RBMS3: variants seen among roughly 807,000 people sequenced by gnomAD.
The protein encoded by RBMS3 is RNA binding motif single stranded interacting protein 3.
RBMS3 carries 27 observed loss-of-function variants against 66.8 expected under a neutral mutation model. That is an observed-to-expected ratio of 0.40 (90% CI 0.30 to 0.56). The LOEUF (loss-of-function observed/expected upper bound fraction) is 0.56, where lower values mean the gene tolerates loss of function less well. Ranked by LOEUF, RBMS3 falls within the 20% of genes least tolerant of loss-of-function variation. RBMS3 has a pLI of 0.40. For synonymous variants in RBMS3, 188 were observed against 183.0 expected (o/e 1.03, Z -0.22); for missense variants, 513 against 549.5 (o/e 0.93, Z 0.66).
chr3:29,769,244 C>T (rs1171221481), intron 6 of RBMS3, among the ~76,000 whole-genome samples: 1 of 151,608 alleles, frequency 6.6e-6, no homozygotes, highest in Non-Finnish European at 1.5e-5. Flanking sequence ...AACTTGAGAA[C>T]AACTGAGGAC....
chr3:29,968,314 G>A (rs956345339), intron 12 of RBMS3, among the ~76,000 whole-genome samples: 15 of 152,176 alleles, frequency 9.9e-5, no homozygotes, highest in African/African-American at 3.6e-4. Context: ...CCCTGCCTGT[G>A]AAGTCCGCTA....
intron 6 of RBMS3, among the ~76,000 whole-genome samples, chr3:29,799,969 A>T (rs73831061): frequency 0.068 from 10,312 of 152,258 alleles, 365 homozygotes; most frequent in South Asian, 0.099. Flanking sequence ...GGACAACTTC[A>T]TCAAGATTTA....
intron 1 of RBMS3, among the ~76,000 whole-genome samples, chr3:29,323,360 A>G (rs1046571552): frequency 6.6e-6 from 1 of 152,168 alleles, no homozygotes; most frequent in Non-Finnish European, 1.5e-5. Context: ...TACAACCACC[A>G]TAGTAAAGAA....
intron 1 of RBMS3, among the ~76,000 whole-genome samples, chr3:29,305,103 G>C: frequency 6.6e-6 from 1 of 151,874 alleles, no homozygotes; most frequent in African/African-American, 2.4e-5. Flanking sequence ...CAGGACCTTG[G>C]CAAGAGCTCT....
intron 2 of RBMS3, among the ~76,000 whole-genome samples, chr3:29,446,521 A>C (rs1442677424): frequency 6.6e-6 from 1 of 152,160 alleles, no homozygotes; most frequent in Non-Finnish European, 1.5e-5. Context: ...TATATTTTAC[A>C]ATATGAATAT....
intron 1 of RBMS3, among the ~76,000 whole-genome samples, chr3:29,286,960 G>A (rs1393755029): frequency 6.6e-6 from 1 of 152,058 alleles, no homozygotes. Context: ...AGTCTCATAA[G>A]CCACAGCTGT....
intron 14 of RBMS3, among the ~76,000 whole-genome samples, chr3:29,999,074 C>CA: frequency 6.6e-6 from 1 of 151,488 alleles, no homozygotes; most frequent in African/African-American, 2.4e-5. Flanking sequence ...TAGAAAAAAA[C>CA]AAAAAACCCC....
chr3:29,768,172 A>G (rs567641361), intron 6 of RBMS3, among the ~76,000 whole-genome samples: 23 of 152,110 alleles, frequency 1.5e-4, no homozygotes, highest in Non-Finnish European at 3.1e-4. Flanking sequence ...CTATGCATCA[A>G]ACATACTTTG....
chr3:29,462,558 T>A lies in RBMS3; in HGVS notation c.249-25883T>A, dbSNP rs149062596. Among the ~76,000 whole-genome samples, 761 of 152,324 alleles carry A rather than the reference T, an allele frequency of 5.0e-3. 5 individuals carry two copies. Among genetic ancestry groups the A allele is most frequent in the African/African-American group, 0.017 (726 of 41,564 alleles). On this transcript the variant is annotated intron_variant, in intron 2 of 14. Coordinates refer to ENST00000383767, the MANE Select transcript of RBMS3 (RefSeq NM_001003793.3). ...AGTTTTCTTGACTGTTTCTTAAATA[T>A]CAGTTCTGGGATAATGCTACCCACT... is the stretch of plus-strand genomic sequence containing the variant.
intron 3 of RBMS3, among the ~76,000 whole-genome samples, chr3:29,531,206 G>A (rs1224546844): frequency 1.3e-5 from 2 of 152,206 alleles, no homozygotes; most frequent in East Asian, 3.8e-4. Context: ...CAAAACAGGA[G>A]CATCAGCATC....
At chr3:29,646,637 C>A (rs953293157) in intron 4 of RBMS3, among the ~76,000 whole-genome samples, 1 of 149,966 alleles carries the variant, frequency 6.7e-6, no homozygotes, top group Non-Finnish European at 1.5e-5. Context: ...CAAATCATTT[C>A]TATGCCATGC....
chr3:29,817,795 A>T (rs1012028460), intron 6 of RBMS3, among the ~76,000 whole-genome samples: 1 of 151,998 alleles, frequency 6.6e-6, no homozygotes, highest in Non-Finnish European at 1.5e-5. Context: ...ATAATTTTTG[A>T]AAAGAAATAG....
chr3:29,389,400 A>G (rs1382937020), intron 1 of RBMS3, among the ~76,000 whole-genome samples: 1 of 152,178 alleles, frequency 6.6e-6, no homozygotes, highest in East Asian at 1.9e-4. Flanking sequence ...TTTGCTGCCT[A>G]TTCACTGGCA....
intron 1 of RBMS3, among the ~76,000 whole-genome samples, chr3:29,427,205 A>G (rs1308694032): frequency 2.0e-5 from 3 of 152,262 alleles, no homozygotes; most frequent in Non-Finnish European, 2.9e-5. Flanking sequence ...TACAAAAGAC[A>G]TAATTGAAAC....
chr3:29,556,098 A>G (rs935671553), intron 3 of RBMS3, among the ~76,000 whole-genome samples: 2 of 150,522 alleles, frequency 1.3e-5, no homozygotes, highest in Non-Finnish European at 2.9e-5. Flanking sequence ...CTGCCGTATC[A>G]TAAGTGGTCT....
chr3:29,614,556 CAA>C (rs1340326397), intron 4 of RBMS3: 1 of 151,606 alleles, frequency 6.6e-6, no homozygotes, highest in Non-Finnish European at 1.5e-5. Context: ...TATTATGAAA[CAA>C]AAATAAAATA....
chr3:29,289,240 T>C (rs2032620139), intron 1 of RBMS3, among the ~76,000 whole-genome samples: 2 of 151,942 alleles, frequency 1.3e-5, no homozygotes, highest in African/African-American at 4.8e-5. Context: ...ATGAAGTTAC[T>C]GAACTGTTAA....
In RBMS3 at chr3:29,974,779, T is replaced by TTATATTTTATATATAAAATACGTTTA. The variant is rs1335663092; in HGVS notation, c.1099-13330_1099-13305dup. Among the ~76,000 whole-genome samples, 23 of 142,952 alleles carry TTATATTTTATATATAAAATACGTTTA rather than the reference T, an allele frequency of 1.6e-4. 2 individuals are homozygous for TTATATTTTATATATAAAATACGTTTA. The highest frequency in any genetic ancestry group is 1.1e-3 in the South Asian group (5 of 4,620). 93.8% of individuals were successfully genotyped at this position (142,952 alleles called of 152,430 possible). A position where few individuals can be genotyped will look rare whatever the true frequency, so the allele number is the denominator to read the frequency against. ...ATAGAGCACTTTGTTTCTCATTGTTTTATATTTTATATATAAAATACGTTT... is the reference window on the plus strand; with the variant it reads ...ATAGAGCACTTTGTTTCTCATTGTTTTATATTTTATATATAAAATACGTTTATATATTTTATATATAAAATACGTTT... On this transcript the variant is annotated intron_variant, in intron 12 of 14. Transcript: ENST00000383767.
chr3:29,462,784 C>G (rs1391593409), intron 2 of RBMS3, among the ~76,000 whole-genome samples: 1 of 152,186 alleles, frequency 6.6e-6, no homozygotes, highest in African/African-American at 2.4e-5. Context: ...TAAATTAGAG[C>G]TCTTTAATTA....
Sources: allele counts gnomAD v4.1 joint callset (sites outside exome capture counted in the v4.1 genomes callset), GRCh38; gene constraint gnomAD v4.1.1; transcripts MANE v1.5; gene names NCBI Gene and HGNC (gene_info 2026-07-23, HGNC 2026-07-21).